HMGXB4: variants seen among roughly 807,000 people sequenced by gnomAD.
HMGXB4 encodes the protein HMG domain-containing protein 4.
Under a neutral mutation model 63.9 loss-of-function variants are expected in HMGXB4, and 27 were observed. The ratio of observed to expected loss-of-function variants is 0.42; its 90% confidence interval spans 0.31 to 0.58. HMGXB4 has a LOEUF of 0.58. HMGXB4 is among the 20% of genes least tolerant of loss of function. The probability of loss-of-function intolerance (pLI) is 0.13; values close to 1 mark genes in which losing one functional copy is unlikely to be tolerated. For synonymous variants in HMGXB4, 264 were observed against 265.3 expected (o/e 0.99, Z 0.05); for missense variants, 624 against 700.7 (o/e 0.89, Z 1.24).
intron 5 of HMGXB4, among the ~76,000 whole-genome samples, chr22:35,276,004 T>G (rs1471788413): frequency 1.3e-5 from 2 of 152,228 alleles, no homozygotes; most frequent in Non-Finnish European, 2.9e-5. Flanking sequence ...GTGGAATTAC[T>G]GGCCTTGCAT....
rs747232799 is a variant in HMGXB4 at position 35,293,679 on chromosome 22, T to C, written c.*28T>C. On this transcript the variant is annotated 3_prime_UTR_variant, in exon 11 of 11. Transcript: ENST00000216106. The stretch of plus-strand genomic sequence containing the variant: ...GCAAAGAATCCTGGGACAGAAACCT[T>C]ATCCTACACCATTGCTGGTTTGTGT... 4 of 1,563,030 alleles carry C rather than the reference T, an allele frequency of 2.6e-6. No individual in the cohort carries two copies. The highest frequency in any genetic ancestry group is 2.6e-6 in the Non-Finnish European group (3 of 1,133,434).
At chr22:35,249,177 G>GA in the HMGXB4 span, among the ~76,000 whole-genome samples, 2 of 101,194 alleles carry the variant, frequency 2.0e-5, no homozygotes, top group Non-Finnish European at 5.6e-5. Flanking sequence ...TCCTGCCTCG[G>GA]CCTCCTGAGT....
At chr22:35,293,189 A>T in intron 10 of HMGXB4, 75 bp downstream of exon 10, 1 of 1,542,398 alleles carries the variant, frequency 6.5e-7, no homozygotes, top group Non-Finnish European at 9.0e-7. Flanking sequence ...GCACTGTCAG[A>T]CACACATAAG....
chr22:35,279,506 T>A (rs1018698199), intron 5 of HMGXB4, among the ~76,000 whole-genome samples: 4 of 152,074 alleles, frequency 2.6e-5, no homozygotes, highest in African/African-American at 9.7e-5. Context: ...GTTTATCAGT[T>A]CCTTCTTCCA....
At chr22:35,293,156 T>A in intron 10 of HMGXB4, 42 bp downstream of exon 10, 1 of 1,612,642 alleles carries the variant, frequency 6.2e-7, no homozygotes, top group South Asian at 1.1e-5. Flanking sequence ...CCATTGGGCG[T>A]CAGAGATGCC....
At chr22:35,246,278 C>CTT in the HMGXB4 span, among the ~76,000 whole-genome samples, 1 of 147,712 alleles carries the variant, frequency 6.8e-6, no homozygotes. Context: ...CAATTATTTT[C>CTT]TTTTTTTTTT....
At chr22:35,247,227 C>T in the HMGXB4 span, among the ~76,000 whole-genome samples, 1 of 152,186 alleles carries the variant, frequency 6.6e-6, no homozygotes, top group Admixed American at 6.5e-5. Context: ...TTGATGCTTT[C>T]AAGGTTTGTT....
At chr22:35,247,318 C>T in the HMGXB4 span, among the ~76,000 whole-genome samples, 4 of 152,194 alleles carry the variant, frequency 2.6e-5, no homozygotes, top group African/African-American at 4.8e-5. Context: ...ACCAGATGTC[C>T]GTCCTGGCTG....
the HMGXB4 span, among the ~76,000 whole-genome samples, chr22:35,242,917 T>C: frequency 2.6e-5 from 4 of 152,228 alleles, no homozygotes; most frequent in African/African-American, 9.6e-5. Flanking sequence ...TTCAAGTGTA[T>C]GGAGATTTTA....
the HMGXB4 span, among the ~76,000 whole-genome samples, chr22:35,250,679 T>A: frequency 6.6e-6 from 1 of 151,814 alleles, no homozygotes; most frequent in African/African-American, 2.4e-5. Flanking sequence ...AGCAAACCGG[T>A]CAGCTTACAC....
chr22:35,273,115 G>A lies in HMGXB4; in HGVS notation c.1215+7512G>A, dbSNP rs573060042. Among the ~76,000 whole-genome samples the A allele has an allele frequency of 7.9e-5, 12 of 152,240 alleles. No homozygotes were observed. The South Asian group carries it at 2.5e-3, about 32-fold the overall frequency. ...AAGTCTGAAACATAACTAGACTTGTGATGCTGTTACATTAGTTCTCTCTCT... is the reference window on the plus strand; with the variant it reads ...AAGTCTGAAACATAACTAGACTTGTAATGCTGTTACATTAGTTCTCTCTCT... On this transcript the variant is annotated intron_variant, in intron 5 of 10. Coordinates refer to ENST00000216106, the MANE Select transcript of HMGXB4 (RefSeq NM_001003681.3).
intron 5 of HMGXB4, among the ~76,000 whole-genome samples, chr22:35,268,613 G>A (rs914326979): frequency 5.3e-5 from 8 of 152,182 alleles, no homozygotes; most frequent in Non-Finnish European, 1.2e-4. Flanking sequence ...CCAGGACCAC[G>A]TCTGTCTTGC....
intron 5 of HMGXB4, among the ~76,000 whole-genome samples, chr22:35,279,046 TAAAAG>T (rs558494280): frequency 2.0e-4 from 31 of 151,274 alleles, no homozygotes; most frequent in African/African-American, 5.3e-4. Context: ...GATCTTGTCT[TAAAAG>T]AAAAGAGAGA....
At chr22:35,276,130 T>G (rs1370196060) in intron 5 of HMGXB4, among the ~76,000 whole-genome samples, 1 of 152,212 alleles carries the variant, frequency 6.6e-6, no homozygotes, top group Non-Finnish European at 1.5e-5. Context: ...AATCTGAACT[T>G]TAGGTCCACA....
rs771103876 is a variant in HMGXB4 at position 35,268,068 on chromosome 22, C to T, written c.1215+2465C>T. On this transcript the variant is annotated intron_variant, in intron 5 of 10. Coordinates refer to ENST00000216106, the MANE Select transcript of HMGXB4 (RefSeq NM_001003681.3). Reference sequence around the variant, plus strand: ...CACTGCAGTCCAGCCTGCGCGACAGCGTGAGACTCAGTCTCAAAACCATAA... The same window carrying T: ...CACTGCAGTCCAGCCTGCGCGACAGTGTGAGACTCAGTCTCAAAACCATAA... Among the ~76,000 whole-genome samples, 10 of 152,280 alleles carry T rather than the reference C, an allele frequency of 6.6e-5. No homozygotes were observed. The South Asian group carries it at 8.3e-4, about 13-fold the overall frequency.
intron 9 of HMGXB4, among the ~76,000 whole-genome samples, chr22:35,290,630 C>CAAAA (rs767279436): frequency 4.5e-4 from 24 of 52,818 alleles, no homozygotes; most frequent in East Asian, 1.4e-3. Context: ...GACTCCGCCT[C>CAAAA]AAAAAAAAAA....
chr22:35,254,909 T>C, upstream of HMGXB4, among the ~76,000 whole-genome samples: 1 of 152,190 alleles, frequency 6.6e-6, no homozygotes, highest in South Asian at 2.1e-4. Flanking sequence ...AAAGAAGAAA[T>C]GGGACCAATA....
chr22:35,265,054 A>T lies in HMGXB4; in HGVS notation c.666A>T (p.Lys222Asn). Reference sequence around the variant, plus strand: ...CCTCCCAACAAGCGACTGTGAAAAAATCCTCAAAGAAATCAGCTCGGGATG... The same window carrying T: ...CCTCCCAACAAGCGACTGTGAAAAATTCCTCAAAGAAATCAGCTCGGGATG... ...QYPSQQATVK[K>N]SSKKSARDEQ... The change falls in exon 5 of 11, where the codon AAA becomes AAT. Residue 222 changes from lysine (K) to asparagine (N), a missense_variant. Lys to Asn is a moderately conservative substitution (Grantham distance 94). This residue lies in a region of HMGXB4 where 472 missense variants were observed against 470.6 expected (regional missense o/e 1.00). Coordinates refer to ENST00000216106, the MANE Select transcript of HMGXB4 (RefSeq NM_001003681.3). The T allele has an allele frequency of 1.2e-6, 2 of 1,613,918 alleles. No homozygotes were observed. The highest frequency in any genetic ancestry group is 1.7e-6 in the Non-Finnish European group (2 of 1,179,820).
intron 9 of HMGXB4, among the ~76,000 whole-genome samples, chr22:35,288,763 G>A (rs942961618): frequency 5.3e-5 from 8 of 152,032 alleles, no homozygotes; most frequent in African/African-American, 1.7e-4. Flanking sequence ...TGGGAGAATC[G>A]CTTAAGGCCA....
Sources: allele counts gnomAD v4.1 joint callset (sites outside exome capture counted in the v4.1 genomes callset), GRCh38; gene constraint gnomAD v4.1.1; regional missense constraint gnomAD v4.1.1; transcripts MANE v1.5; gene names NCBI Gene and HGNC (gene_info 2026-07-23, HGNC 2026-07-21).